CCND3: variants seen among roughly 807,000 people sequenced by gnomAD.
CCND3 encodes cyclin D3.
Under a neutral mutation model 28.7 loss-of-function variants are expected in CCND3, and 9 were observed. The observed-to-expected ratio is 0.31, with a 90% CI of 0.19 to 0.55. The LOEUF is 0.55. Ranked by LOEUF, CCND3 falls within the 20% of genes least tolerant of loss-of-function variation. CCND3 has a pLI of 0.93. For synonymous variants in CCND3, 164 were observed against 163.9 expected, an observed-to-expected ratio of 1.00 and a Z score of 0.00; for missense variants, 315 against 385.8, an observed-to-expected ratio of 0.82 and a Z score of 1.54.
At chr6:41,954,017 A>C (rs1314403791) in intron 1 of CCND3, among the ~76,000 whole-genome samples, 1 of 150,818 alleles carries the variant, frequency 6.6e-6, no homozygotes, top group East Asian at 1.9e-4. Context: ...TTGGGAGGCC[A>C]AGGCTGGTGG....
At chr6:42,043,292 C>T (rs1764427125) in intron 1 of CCND3, among the ~76,000 whole-genome samples, 1 of 152,250 alleles carries the variant, frequency 6.6e-6, no homozygotes, top group South Asian at 2.1e-4. Context: ...AATCCCAGCA[C>T]TTCGGGAGGC....
At chr6:41,996,865 A>G (rs1230149241) in intron 1 of CCND3, among the ~76,000 whole-genome samples, 2 of 151,946 alleles carry the variant, frequency 1.3e-5, no homozygotes, top group Non-Finnish European at 2.9e-5. Context: ...GGATTTCACC[A>G]TGTTGGCCAG....
At chr6:41,947,018 G>C (rs1044450977) in intron 1 of CCND3, among the ~76,000 whole-genome samples, 1 of 152,064 alleles carries the variant, frequency 6.6e-6, no homozygotes. Context: ...AGGAGATCGA[G>C]ACCAGCCTAA....
At chr6:41,977,627 A>G (rs1487412484) in intron 1 of CCND3, among the ~76,000 whole-genome samples, 1 of 152,130 alleles carries the variant, frequency 6.6e-6, no homozygotes, top group African/African-American at 2.4e-5. Context: ...TAGGCCTCCC[A>G]AAGTGTTAGG....
intron 1 of CCND3, among the ~76,000 whole-genome samples, chr6:41,983,618 T>C (rs1413858590): frequency 6.6e-6 from 1 of 152,050 alleles, no homozygotes; most frequent in Non-Finnish European, 1.5e-5. Flanking sequence ...ACAGATTAGA[T>C]TGCTTGAGCC....
rs558500405 is a variant in CCND3 at position 42,021,120 on chromosome 6, G to C, written c.-46+27381C>G. ...AAAAAGATATTTTGAGAGAGAGAGA[G>C]AAACAGACCACATTCACACAACTTT... On this transcript the variant is annotated intron_variant, in intron 1 of 4. Coordinates refer to the CCND3 transcript ENST00000372988. 1.4e-4 allele frequency among the ~76,000 whole-genome samples: 22 copies of C among 152,340 alleles called. No individual in the cohort carries two copies. In the East Asian group the frequency reaches 4.0e-3, roughly 28 times the overall value.
intron 1 of CCND3, among the ~76,000 whole-genome samples, chr6:42,010,457 G>A (rs928935627): frequency 6.6e-6 from 1 of 152,092 alleles, no homozygotes; most frequent in African/African-American, 2.4e-5. Flanking sequence ...GGGAGGGAGA[G>A]GAAGAATGTC....
In CCND3 at chr6:41,981,003, C is replaced by A. The variant is rs143877350; in HGVS notation, c.-45-40418G>T. On this transcript the variant is annotated intron_variant, in intron 1 of 4. Transcript: ENST00000372988. Reference sequence around the variant, plus strand: ...GAGGTTTTCTCTCACCACTTTCTTTCAGCATTGTACTGGAAGTCCTAGCTA... The same window carrying A: ...GAGGTTTTCTCTCACCACTTTCTTTAAGCATTGTACTGGAAGTCCTAGCTA... Among the ~76,000 whole-genome samples, 1,310 of 151,982 alleles carry A rather than the reference C, an allele frequency of 8.6e-3. 19 individuals carry two copies. Among genetic ancestry groups the A allele is most frequent in the African/African-American group, 0.028 (1,180 of 41,450 alleles).
intron 1 of CCND3, among the ~76,000 whole-genome samples, chr6:42,021,463 A>C (rs1158317153): frequency 6.6e-6 from 1 of 152,210 alleles, no homozygotes; most frequent in African/African-American, 2.4e-5. Context: ...GTCATCCTTC[A>C]CATGTGCTGA....
chr6:41,993,662 G>A (rs1234781734), intron 1 of CCND3, among the ~76,000 whole-genome samples: 3 of 151,218 alleles, frequency 2.0e-5, no homozygotes, highest in African/African-American at 4.9e-5. Context: ...CGCCCACCTC[G>A]GCCTCCAAAA....
chr6:42,019,796 T>G (rs1763646508), intron 1 of CCND3, among the ~76,000 whole-genome samples: 1 of 152,192 alleles, frequency 6.6e-6, no homozygotes, highest in South Asian at 2.1e-4. Flanking sequence ...ATTACAATTT[T>G]TACTATTTAG....
intron 1 of CCND3, among the ~76,000 whole-genome samples, chr6:41,968,608 T>C (rs1390078245): frequency 1.3e-5 from 2 of 151,806 alleles, no homozygotes; most frequent in African/African-American, 2.4e-5. Flanking sequence ...AACAAAGACA[T>C]AGGAAAAAAA....
chr6:42,000,234 C>CGTTTTT (rs1762951898), intron 1 of CCND3, among the ~76,000 whole-genome samples: 4 of 51,010 alleles, frequency 7.8e-5, no homozygotes, highest in Non-Finnish European at 1.3e-4. Flanking sequence ...TGAAAACATA[C>CGTTTTT]TTTTTTTTTT....
upstream of CCND3, among the ~76,000 whole-genome samples, chr6:41,946,265 C>A (rs959558387): frequency 2.0e-5 from 3 of 152,004 alleles, no homozygotes; most frequent in Non-Finnish European, 4.4e-5. Context: ...ACGTGGTGAA[C>A]CCTTTTTTAA....
At chr6:41,940,992 C>T (rs1775989879) in intron 1 of CCND3, 3 of 1,612,922 alleles carry the variant, frequency 1.9e-6, no homozygotes. Flanking sequence ...GCCTCCTGCA[C>T]TTTTCATTTC....
intron 1 of CCND3, among the ~76,000 whole-genome samples, chr6:41,971,501 A>G (rs138491129): frequency 5.7e-4 from 87 of 151,876 alleles, no homozygotes; most frequent in African/African-American, 2.0e-3. Flanking sequence ...GAGGTGGAGT[A>G]CCTTACCTGG....
Position 41,936,283 on chromosome 6 carries a change from T to C in CCND3, c.712-176A>G. 1.4e-6 allele frequency: 1 copy of C among 722,756 alleles called. No homozygotes were observed. Among genetic ancestry groups the C allele is most frequent in the African/African-American group, 1.8e-5 (1 of 55,988 alleles). 44.8% of individuals were successfully genotyped at this position (722,756 alleles called of 1,614,324 possible). A position where few individuals can be genotyped will look rare whatever the true frequency, so the allele number is the denominator to read the frequency against. The stretch of plus-strand genomic sequence containing the variant: ...CTAGCAAGAGGATGTGGCAAGGGAG[T>C]GTGAGAGCAGCCCTGCATCTGACAC... On this transcript the variant is annotated intron_variant, in intron 4 of 4. Transcript: ENST00000372991. The surrounding 1 kb of genome is among the most constrained non-coding windows in gnomAD (Gnocchi z 4.4).
At chr6:41,960,596 G>T (rs532695564) in intron 1 of CCND3, among the ~76,000 whole-genome samples, 54 of 152,128 alleles carry the variant, frequency 3.5e-4, no homozygotes, top group Non-Finnish European at 6.8e-4. Context: ...CAAAATAGGG[G>T]AGTACTATCT....
chr6:41,935,056 T>TCTC lies in CCND3; in HGVS notation c.*881_*883dup, dbSNP rs1775722671. 1 of 233,186 alleles carries TCTC rather than the reference T, an allele frequency of 4.3e-6. No homozygotes were observed. Among genetic ancestry groups the TCTC allele is most frequent in the Non-Finnish European group, 8.5e-6 (1 of 118,082 alleles). The allele number at this position is 233,186 out of a possible 1,614,324, so 14.4% of individuals were successfully genotyped here. On this transcript the variant is annotated 3_prime_UTR_variant, in exon 5 of 5. Coordinates refer to ENST00000372991, the MANE Select transcript of CCND3 (RefSeq NM_001760.5). ...CCTGTGTCAACAGGGCTTGCCTCCCTCTCTAGACAGGGGCTCAGCCACCTC... is the reference window on the plus strand; with the variant it reads ...CCTGTGTCAACAGGGCTTGCCTCCCTCTCCTCTAGACAGGGGCTCAGCCACCTC...
Sources: allele counts gnomAD v4.1 joint callset (sites outside exome capture counted in the v4.1 genomes callset), GRCh38; gene constraint gnomAD v4.1.1; non-coding constraint Gnocchi (gnomAD v3.1); transcripts MANE v1.5; gene names NCBI Gene and HGNC (gene_info 2026-07-23, HGNC 2026-07-21).